Variants in ZNF385D observed in about 807,000 individuals in gnomAD.
ZNF385D encodes zinc finger protein 385D, also known as zinc finger protein 659.
A neutral mutation model predicts 35.8 loss-of-function variants in ZNF385D; 15 were observed. That is an observed-to-expected ratio of 0.42 (90% CI 0.28 to 0.64). The LOEUF is 0.64. ZNF385D is among the 30% of genes least tolerant of loss of function. ZNF385D has a pLI of 0.23. For synonymous variants in ZNF385D, 212 were observed against 186.8 expected, an observed-to-expected ratio of 1.13 and a Z score of -1.10; for missense variants, 474 against 494.6, an observed-to-expected ratio of 0.96 and a Z score of 0.39.
chr3:21,815,756 G>A, intron 3 of ZNF385D, among the ~76,000 whole-genome samples: 1 of 152,100 alleles, frequency 6.6e-6, no homozygotes, highest in East Asian at 1.9e-4. Flanking sequence ...GAGGTACAAA[G>A]CGGAGCTGGT....
intron 3 of ZNF385D, among the ~76,000 whole-genome samples, chr3:21,853,774 T>G (rs1696552630): frequency 6.6e-6 from 1 of 151,800 alleles, no homozygotes; most frequent in Non-Finnish European, 1.5e-5. Flanking sequence ...TCTTCATGGA[T>G]TACAGTAAGG....
At chr3:22,228,516 A>T (rs1023491670) in intron 2 of ZNF385D, among the ~76,000 whole-genome samples, 5 of 152,208 alleles carry the variant, frequency 3.3e-5, no homozygotes, top group African/African-American at 1.2e-4. Flanking sequence ...AATACCAGGT[A>T]ATCCAGGGAA....
At chr3:21,697,916 C>A (rs917431049) in intron 1 of ZNF385D, among the ~76,000 whole-genome samples, 13 of 152,058 alleles carry the variant, frequency 8.5e-5, no homozygotes, top group African/African-American at 3.1e-4. Flanking sequence ...TTACACCAGT[C>A]AGAATGGCTA....
At chr3:21,558,665 G>A (rs1178973019) in intron 3 of ZNF385D, among the ~76,000 whole-genome samples, 2 of 152,064 alleles carry the variant, frequency 1.3e-5, no homozygotes, top group Admixed American at 1.3e-4. Flanking sequence ...TGTCTATTGG[G>A]CCCGCTTGGC....
chr3:22,155,538 TAAATA>T (rs1456369804), intron 3 of ZNF385D, among the ~76,000 whole-genome samples: 2 of 152,020 alleles, frequency 1.3e-5, no homozygotes, highest in African/African-American at 2.4e-5. Flanking sequence ...CCTTGACTAG[TAAATA>T]AAATGAGACT....
intron 2 of ZNF385D, among the ~76,000 whole-genome samples, chr3:21,654,962 T>C (rs1418778613): frequency 6.6e-6 from 1 of 152,062 alleles, no homozygotes; most frequent in Non-Finnish European, 1.5e-5. Context: ...AGAGGCAACT[T>C]TACTCAAGTG....
intron 2 of ZNF385D, among the ~76,000 whole-genome samples, chr3:21,591,805 A>T (rs866546766): frequency 5.9e-5 from 9 of 152,102 alleles, no homozygotes; most frequent in African/African-American, 2.2e-4. Flanking sequence ...GTTTTTTTCC[A>T]GTTGTAATTC....
At chr3:21,788,595 T>G (rs2071796956) in intron 3 of ZNF385D, among the ~76,000 whole-genome samples, 1 of 152,248 alleles carries the variant, frequency 6.6e-6, no homozygotes, top group South Asian at 2.1e-4. Context: ...CAATCCATGT[T>G]AGGCCATCAG....
intron 3 of ZNF385D, among the ~76,000 whole-genome samples, chr3:22,149,404 T>C (rs1705081424): frequency 6.6e-6 from 1 of 152,184 alleles, no homozygotes; most frequent in African/African-American, 2.4e-5. Context: ...AAATTATTGC[T>C]TCTGATATGT....
intron 2 of ZNF385D, among the ~76,000 whole-genome samples, chr3:22,368,869 T>TA (rs891004131): frequency 6.6e-6 from 1 of 152,186 alleles, no homozygotes; most frequent in Non-Finnish European, 1.5e-5. Context: ...TACCAGGCTC[T>TA]AAAAAAGTAG....
chr3:21,885,696 T>A (rs1345373300), intron 3 of ZNF385D, among the ~76,000 whole-genome samples: 1 of 151,086 alleles, frequency 6.6e-6, no homozygotes, highest in Non-Finnish European at 1.5e-5. Flanking sequence ...ATATATATAT[T>A]ATATTAGGGT....
rs544459913 is a variant in ZNF385D at position 21,976,695 on chromosome 3, C to A, written c.325+192122G>T. Among the ~76,000 whole-genome samples the A allele has an allele frequency of 3.3e-5, 5 of 152,102 alleles. No homozygotes were observed. The East Asian group carries it at 5.8e-4, about 18-fold the overall frequency. ...CCATAAAATGGAAAATTATTTTGCACTGAGAAATAATAAACCAGCTGGGCA... is the reference window on the plus strand; with the variant it reads ...CCATAAAATGGAAAATTATTTTGCAATGAGAAATAATAAACCAGCTGGGCA... On this transcript the variant is annotated intron_variant, in intron 3 of 5. Coordinates refer to the ZNF385D transcript ENST00000494108.
chr3:21,551,856 A>G (rs1038196073), intron 3 of ZNF385D, among the ~76,000 whole-genome samples: 7 of 152,200 alleles, frequency 4.6e-5, no homozygotes, highest in Admixed American at 2.6e-4. Flanking sequence ...AAACTGTACT[A>G]TAAAGGAAAC....
intron 2 of ZNF385D, among the ~76,000 whole-genome samples, chr3:21,592,397 T>C (rs373549353): frequency 6.6e-6 from 1 of 151,684 alleles, no homozygotes; most frequent in Non-Finnish European, 1.5e-5. Context: ...TTTTGAATCA[T>C]AAACAGCAAG....
At chr3:22,207,617 G>A (rs1331887497) in intron 2 of ZNF385D, among the ~76,000 whole-genome samples, 1 of 151,936 alleles carries the variant, frequency 6.6e-6, no homozygotes, top group African/African-American at 2.4e-5. Flanking sequence ...ACAAGCTTCT[G>A]CACAGCAAAT....
At chr3:21,551,701 G>A (rs1233278631) in intron 3 of ZNF385D, among the ~76,000 whole-genome samples, 1 of 152,092 alleles carries the variant, frequency 6.6e-6, no homozygotes, top group Non-Finnish European at 1.5e-5. Context: ...TTAATTGGAA[G>A]GTTTCCACAT....
At chr3:21,725,202 T>C (rs997752240) in intron 1 of ZNF385D, among the ~76,000 whole-genome samples, 3 of 152,094 alleles carry the variant, frequency 2.0e-5, no homozygotes, top group Admixed American at 6.5e-5. Context: ...GGGAAATTTA[T>C]AGCACTAGAA....
At chr3:21,594,648 A>G (rs145461252) in intron 2 of ZNF385D, among the ~76,000 whole-genome samples, 178 of 152,312 alleles carry the variant, frequency 1.2e-3, no homozygotes, top group African/African-American at 4.1e-3. Context: ...CGGGAATTTA[A>G]AGCTTGGTGA....
chr3:21,416,368 A>G lies in ZNF385D; in HGVS notation c.*4846T>C, dbSNP rs1358284911. On this transcript the variant is annotated 3_prime_UTR_variant, in exon 8 of 8. Transcript: ENST00000281523. ...AAAATAACACATATTTTTCCAGAGT[A>G]GAACCTGCCTTTTGTCACCATTCAC... 6.6e-6 allele frequency: 1 copy of G among 152,160 alleles called. No individual in the cohort carries two copies. The allele number at this position is 152,160 out of a possible 1,614,324, so 9.4% of individuals were successfully genotyped here. A position where few individuals can be genotyped will look rare whatever the true frequency, so the allele number is the denominator to read the frequency against.
Sources: gnomAD v4.1 joint callset for allele counts (sites outside exome capture counted in the v4.1 genomes callset) on GRCh38, gnomAD v4.1.1 for gene constraint, MANE v1.5 for transcripts, NCBI Gene and HGNC (gene_info 2026-07-23, HGNC 2026-07-21) for gene names.